The following SH2D7 variants were observed in gnomAD, a reference collection of about 807,000 sequenced individuals.
SH2D7 encodes the protein SH2 domain-containing protein 7.
A neutral mutation model predicts 40.8 loss-of-function variants in SH2D7; 32 were observed. The ratio of observed to expected loss-of-function variants is 0.78; its 90% CI spans 0.59 to 1.05. SH2D7 has a LOEUF of 1.05. Among genes scored for constraint, SH2D7 ranks in the 50% least tolerant of loss-of-function variants. The probability of loss-of-function intolerance (pLI) is 0.00; values close to 1 mark genes in which losing one functional copy is unlikely to be tolerated. For synonymous variants in SH2D7, 195 were observed against 221.5 expected, an observed-to-expected ratio of 0.88 and a Z score of 1.06; for missense variants, 559 against 566.6, an observed-to-expected ratio of 0.99 and a Z score of 0.14.
intron 2 of SH2D7, among the ~76,000 whole-genome samples, chr15:78,095,730 G>C (rs748104175): frequency 6.6e-6 from 1 of 152,152 alleles, no homozygotes; most frequent in Non-Finnish European, 1.5e-5. Flanking sequence ...AAATGAAAAT[G>C]CCTTTGAAAA....
intron 4 of SH2D7, among the ~76,000 whole-genome samples, chr15:78,100,224 A>T (rs2074004251): frequency 6.6e-6 from 1 of 152,212 alleles, no homozygotes; most frequent in Admixed American, 6.5e-5. Context: ...GTTGGTGCTC[A>T]CTAAATATTT....
At position 78,097,804 on chromosome 15, in the gene SH2D7, G is replaced by A. The variant is rs1265828418; in HGVS notation, c.267-125G>A. 3 of 1,239,726 alleles carry A rather than the reference G, an allele frequency of 2.4e-6. No homozygotes were observed. In the South Asian group the frequency reaches 4.6e-5, roughly 19 times the overall value. The allele number at this position is 1,239,726 out of a possible 1,614,324, so 76.8% of individuals were successfully genotyped here. On this transcript the variant is annotated intron_variant, in intron 2 of 5. Transcript: ENST00000328828. The stretch of plus-strand genomic sequence containing the variant: ...AGTGGGGTACAGTGGCCCCAGGTCA[G>A]GCAGGTCTGTTCTGGATCAAGAGCT...
intron 2 of SH2D7, among the ~76,000 whole-genome samples, chr15:78,095,801 C>T (rs1474587747): frequency 1.3e-5 from 2 of 152,084 alleles, no homozygotes; most frequent in African/African-American, 4.8e-5. Context: ...GAGTGATTAA[C>T]TTGATTTCCT....
chr15:78,101,223 C>G lies in SH2D7; in HGVS notation c.970C>G (p.Leu324Val), dbSNP rs745921192. 6.2e-7 allele frequency: 1 copy of G among 1,602,368 alleles called. No individual in the cohort carries two copies. The change falls in exon 5 of 6, where the codon CTG (leucine) becomes GTG (valine). Residue 324 changes from leucine (L) to valine (V), a missense_variant. Leu to Val is a conservative substitution (Grantham distance 32). Transcript: ENST00000328828. Reference protein sequence around the residue: ...SWGCSDAMGSLGATWRQEFPK... With the variant: ...SWGCSDAMGSVGATWRQEFPK... ...GGGATGTTCTGATGCCATGGGATCC[C>G]TGGGGGCTACCTGGAGGCAGGAGTT...
At chr15:78,092,461 TG>T, upstream of SH2D7, 1 of 1,066,310 alleles carries the variant, frequency 9.4e-7, no homozygotes. Context: ...GAGGTGACAA[TG>T]GGGCTGCTGT....
At chr15:78,096,648 A>G (rs1172405648) in intron 2 of SH2D7, among the ~76,000 whole-genome samples, 3 of 147,742 alleles carry the variant, frequency 2.0e-5, no homozygotes, top group African/African-American at 7.5e-5. Context: ...GGCAACCACC[A>G]CGACACCGGC....
At chr15:78,093,697 C>A (rs1235962924) in intron 1 of SH2D7, among the ~76,000 whole-genome samples, 1 of 152,256 alleles carries the variant, frequency 6.6e-6, no homozygotes, top group Non-Finnish European at 1.5e-5. Context: ...GCACATCCTG[C>A]AGCACTGTAC....
At position 78,099,711 on chromosome 15, in the gene SH2D7, C is replaced by T. The variant is rs934103180; in HGVS notation, c.645+1115C>T. Reference sequence around the variant, plus strand: ...TAAAACCTAAACACTTCACTGGGGCCCACAAGAGCCTCACCAGATGCCCTG... The same window carrying T: ...TAAAACCTAAACACTTCACTGGGGCTCACAAGAGCCTCACCAGATGCCCTG... On this transcript the variant is annotated intron_variant, in intron 4 of 5. Coordinates refer to ENST00000328828, the MANE Select transcript of SH2D7 (RefSeq NM_001101404.2). Among the ~76,000 whole-genome samples the T allele has an allele frequency of 5.3e-5, 8 of 152,012 alleles. No individual in the cohort carries two copies. The East Asian group carries it at 1.3e-3, about 26-fold the overall frequency.
chr15:78,098,115 G>C (rs750311759), intron 3 of SH2D7, 21 bp downstream of exon 3: 2 of 1,588,536 alleles, frequency 1.3e-6, no homozygotes, highest in Admixed American at 1.8e-5. Context: ...CACTTCCCCA[G>C]GGTGAGGGTG....
Position 78,102,464 on chromosome 15 carries a change from C to T in SH2D7, c.1305+906C>T, listed in dbSNP as rs958485144. Among the ~76,000 whole-genome samples the T allele has an allele frequency of 9.9e-5, 15 of 152,126 alleles. 2 individuals are homozygous for T. The highest frequency in any genetic ancestry group is 9.2e-4 in the Admixed American group (14 of 15,274). On this transcript the variant is annotated intron_variant, in intron 5 of 5. Coordinates refer to ENST00000328828, the MANE Select transcript of SH2D7 (RefSeq NM_001101404.2). Reference sequence around the variant, plus strand: ...TAGGTGCCCAGAGGATAATGCTAGACACCCTCTCCTGCTCAGAACACAGCC... The same window carrying T: ...TAGGTGCCCAGAGGATAATGCTAGATACCCTCTCCTGCTCAGAACACAGCC...
At chr15:78,102,313 C>T (rs2074023428) in intron 5 of SH2D7, among the ~76,000 whole-genome samples, 1 of 152,140 alleles carries the variant, frequency 6.6e-6, no homozygotes, top group Non-Finnish European at 1.5e-5. Flanking sequence ...TTAAATACCA[C>T]AATTATTCCT....
chr15:78,101,718 G>A (rs1271823652), intron 5 of SH2D7, among the ~76,000 whole-genome samples, 160 bp downstream of exon 5: 3 of 152,198 alleles, frequency 2.0e-5, no homozygotes, highest in Non-Finnish European at 4.4e-5. Context: ...AGTGGTGGTG[G>A]TGGTGGTGGT....
intron 5 of SH2D7, among the ~76,000 whole-genome samples, chr15:78,103,057 G>A (rs930567858): frequency 6.6e-6 from 1 of 152,010 alleles, no homozygotes; most frequent in South Asian, 2.1e-4. Flanking sequence ...TCCCATGTCT[G>A]CTCTTTCCCT....
chr15:78,093,736 C>G (rs1381225873), intron 1 of SH2D7, among the ~76,000 whole-genome samples: 4 of 152,252 alleles, frequency 2.6e-5, no homozygotes, highest in African/African-American at 9.6e-5. Flanking sequence ...GGACTCCCCA[C>G]TAAACCTCAA....
intron 4 of SH2D7, 59 bp from the exon 5 acceptor site, chr15:78,100,840 T>C (rs1289854809): frequency 6.4e-7 from 1 of 1,571,198 alleles, no homozygotes; most frequent in African/African-American, 1.4e-5. Flanking sequence ...GAGTTTTTAC[T>C]GGAGGGCATC....
At chr15:78,098,251 C>A in intron 3 of SH2D7, 133 bp from the exon 4 acceptor site, 1 of 1,387,664 alleles carries the variant, frequency 7.2e-7, no homozygotes. Flanking sequence ...AAAAGGGAGA[C>A]TGTGGCAATG....
In SH2D7 at chr15:78,098,420, G is replaced by A; in HGVS notation, c.469G>A (p.Gly157Ser). Residue 157 changes from glycine (G) to serine (S), a missense_variant, in exon 4 of 6, where the codon GGC becomes AGC. Transcript: ENST00000328828. ...TGATCTGTATGATGCCATCACCCGG[G>A]GCCTCCACCAGACCATCGTGGACCC... ...DNDLYDAITRGLHQTIVDPEN... is the reference protein window; with the variant it reads ...DNDLYDAITRSLHQTIVDPEN... 1 of 1,613,826 alleles carries A rather than the reference G, an allele frequency of 6.2e-7. No homozygotes were observed. The highest frequency in any genetic ancestry group is 2.2e-5 in the East Asian group (1 of 44,872).
chr15:78,095,114 C>T (rs549215598), intron 2 of SH2D7, among the ~76,000 whole-genome samples: 64 of 152,328 alleles, frequency 4.2e-4, no homozygotes, highest in African/African-American at 1.4e-3. Context: ...TTCTCTGTTC[C>T]CCCGTTTCCT....
intron 2 of SH2D7, among the ~76,000 whole-genome samples, chr15:78,096,780 C>A (rs2073974710): frequency 6.6e-6 from 1 of 152,094 alleles, no homozygotes; most frequent in South Asian, 2.1e-4. Context: ...GGATTACAGG[C>A]ATGAGCCACT....
Sources: allele counts gnomAD v4.1 joint callset (sites outside exome capture counted in the v4.1 genomes callset), GRCh38; gene constraint gnomAD v4.1.1; transcripts MANE v1.5; gene names NCBI Gene and HGNC (gene_info 2026-07-23, HGNC 2026-07-21).